BMPR1B: variants seen among roughly 807,000 people sequenced by gnomAD.
The protein encoded by BMPR1B is bone morphogenetic protein receptor type 1B.
BMPR1B carries 12 observed loss-of-function variants against 59.1 expected under a neutral mutation model. That is an observed-to-expected ratio of 0.20 (90% confidence interval 0.13 to 0.33). The LOEUF (loss-of-function observed/expected upper bound fraction) is 0.33, where lower values mean the gene tolerates loss of function less well. Ranked by LOEUF, BMPR1B falls within the 10% of genes least tolerant of loss-of-function variation. The pLI is 1.00. For synonymous variants in BMPR1B, 237 were observed against 207.3 expected, an observed-to-expected ratio of 1.14 and a Z score of -1.23; for missense variants, 550 against 610.9, an observed-to-expected ratio of 0.90 and a Z score of 1.05.
At chr4:95,042,520 C>G (rs1725733914) in intron 3 of BMPR1B, among the ~76,000 whole-genome samples, 1 of 152,164 alleles carries the variant, frequency 6.6e-6, no homozygotes, top group African/African-American at 2.4e-5. Context: ...TGGGTCCCAT[C>G]CCCAAGATAT....
At chr4:94,902,047 GT>G (rs1413594880) in intron 2 of BMPR1B, among the ~76,000 whole-genome samples, 2 of 11,198 alleles carry the variant, frequency 1.8e-4, no homozygotes, top group South Asian at 4.8e-3. Flanking sequence ...AGACTGCATG[GT>G]GTGTGTGTGT....
At chr4:95,010,051 G>C (rs1315755747) in intron 3 of BMPR1B, among the ~76,000 whole-genome samples, 2 of 152,084 alleles carry the variant, frequency 1.3e-5, no homozygotes, top group African/African-American at 4.8e-5. Context: ...ACAGATTTGG[G>C]GGACACAGAG....
chr4:94,950,902 C>T (rs546615478), intron 2 of BMPR1B, among the ~76,000 whole-genome samples: 33 of 152,276 alleles, frequency 2.2e-4, no homozygotes, highest in South Asian at 4.1e-4. Flanking sequence ...ATTGATTCTT[C>T]CTGTCCATGA....
chr4:94,847,380 T>G (rs1725376365), intron 1 of BMPR1B, among the ~76,000 whole-genome samples: 1 of 152,218 alleles, frequency 6.6e-6, no homozygotes, highest in South Asian at 2.1e-4. Context: ...GTGTGAAGAT[T>G]CCTGACAAAA....
At chr4:95,120,651 T>TTCCTTTCC (rs767350006) in intron 6 of BMPR1B, among the ~76,000 whole-genome samples, 2 of 34,316 alleles carry the variant, frequency 5.8e-5, no homozygotes, top group Non-Finnish European at 1.5e-4. Context: ...CCTTCCTTCC[T>TTCCTTTCC]TTCCTTCCTT....
intron 3 of BMPR1B, among the ~76,000 whole-genome samples, chr4:95,014,279 A>G (rs1723424101): frequency 6.6e-6 from 1 of 152,232 alleles, no homozygotes; most frequent in Admixed American, 6.5e-5. Context: ...AGCAAATATT[A>G]TCTCAGCATC....
intron 1 of BMPR1B, among the ~76,000 whole-genome samples, chr4:94,849,410 G>A (rs1046359322): frequency 5.3e-5 from 8 of 152,254 alleles, no homozygotes; most frequent in Middle Eastern, 3.4e-3. Flanking sequence ...GTCAAGGCGG[G>A]GAAACGAAGT....
intron 2 of BMPR1B, among the ~76,000 whole-genome samples, chr4:94,938,761 A>C (rs541077567): frequency 6.6e-6 from 1 of 152,330 alleles, no homozygotes; most frequent in East Asian, 1.9e-4. Context: ...ATGGAAGAGA[A>C]ACTAGGGCAA....
At chr4:95,115,245 T>C (rs1731931758) in intron 5 of BMPR1B, among the ~76,000 whole-genome samples, 2 of 152,226 alleles carry the variant, frequency 1.3e-5, no homozygotes, top group African/African-American at 4.8e-5. Context: ...TCTCACAACA[T>C]ATCCCTGTCT....
intron 3 of BMPR1B, among the ~76,000 whole-genome samples, chr4:95,032,014 G>A (rs1578961051): frequency 6.6e-6 from 1 of 152,120 alleles, no homozygotes; most frequent in Admixed American, 6.5e-5. Context: ...ACATTGTTGT[G>A]CAGCCAGTCT....
intron 3 of BMPR1B, among the ~76,000 whole-genome samples, chr4:95,025,259 T>C (rs1299308768): frequency 2.6e-5 from 4 of 152,174 alleles, no homozygotes; most frequent in African/African-American, 4.8e-5. Flanking sequence ...CCAAACCATG[T>C]CGTTCACAGT....
chr4:94,808,871 A>C (rs1578668089), intron 1 of BMPR1B, among the ~76,000 whole-genome samples: 1 of 152,248 alleles, frequency 6.6e-6, no homozygotes, highest in East Asian at 1.9e-4. Context: ...CTCGGCCAAC[A>C]TGGTGAAACT....
intron 3 of BMPR1B, among the ~76,000 whole-genome samples, chr4:95,021,119 G>A (rs1723951009): frequency 6.6e-6 from 1 of 152,174 alleles, no homozygotes; most frequent in Admixed American, 6.5e-5. Flanking sequence ...AGTTGTATGG[G>A]ATTAAGTAAC....
At chr4:94,791,254 G>T (rs1722978504) in intron 1 of BMPR1B, among the ~76,000 whole-genome samples, 1 of 152,158 alleles carries the variant, frequency 6.6e-6, no homozygotes, top group African/African-American at 2.4e-5. Context: ...CTCCCAAAGT[G>T]CTGGGATTAC....
chr4:95,143,488 C>T (rs1218402475), intron 10 of BMPR1B, among the ~76,000 whole-genome samples: 1 of 152,110 alleles, frequency 6.6e-6, no homozygotes, highest in African/African-American at 2.4e-5. Flanking sequence ...CTCCCCTTCC[C>T]TACCCTCAAA....
intron 1 of BMPR1B, among the ~76,000 whole-genome samples, chr4:94,803,865 A>C (rs946119931): frequency 9.9e-5 from 15 of 151,872 alleles, no homozygotes; most frequent in East Asian, 5.8e-4. Flanking sequence ...AAGAAAAAAA[A>C]CACATTATTT....
intron 1 of BMPR1B, among the ~76,000 whole-genome samples, chr4:94,768,549 A>T (rs1022304328): frequency 6.6e-6 from 1 of 152,094 alleles, no homozygotes; most frequent in Non-Finnish European, 1.5e-5. Context: ...TAATCAAAAA[A>T]CACTATTTTA....
chr4:95,078,035 T>C (rs929454863), intron 3 of BMPR1B, among the ~76,000 whole-genome samples: 3 of 152,194 alleles, frequency 2.0e-5, no homozygotes, highest in African/African-American at 7.2e-5. Context: ...CTTCACATAG[T>C]GTGTACTGTT....
intron 2 of BMPR1B, among the ~76,000 whole-genome samples, chr4:94,989,522 T>TA (rs1346687978): frequency 6.6e-6 from 1 of 152,140 alleles, no homozygotes; most frequent in Non-Finnish European, 1.5e-5. Flanking sequence ...ATTGATCTGA[T>TA]AGAGTATTTT....
Sources: allele counts gnomAD v4.1 joint callset (sites outside exome capture counted in the v4.1 genomes callset), GRCh38; gene constraint gnomAD v4.1.1; transcripts MANE v1.5; gene names NCBI Gene and HGNC (gene_info 2026-07-23, HGNC 2026-07-21).